PRORP: variants seen among roughly 807,000 people sequenced by gnomAD.
The protein encoded by PRORP is mitochondrial ribonuclease P catalytic subunit.
PRORP carries 51 observed loss-of-function variants against 59.4 expected under a neutral mutation model. The ratio of observed to expected loss-of-function variants is 0.86; its 90% confidence interval spans 0.69 to 1.08. PRORP has a LOEUF of 1.08. Ranked by LOEUF, PRORP falls within the 50% of genes least tolerant of loss-of-function variation. PRORP has a pLI of 0.00. For missense variants in PRORP, 646 were observed against 690.3 expected, an observed-to-expected ratio of 0.94 and a Z score of 0.72; for synonymous variants, 231 against 245.6, an observed-to-expected ratio of 0.94 and a Z score of 0.55.
At chr14:35,195,577 ACT>A (rs1167994600) in intron 5 of PRORP, among the ~76,000 whole-genome samples, 1 of 152,048 alleles carries the variant, frequency 6.6e-6, no homozygotes, top group Non-Finnish European at 1.5e-5. Flanking sequence ...CTTTTTAAAA[ACT>A]CACACATATT....
At chr14:35,163,076 T>TG (rs1442228020) in intron 4 of PRORP, among the ~76,000 whole-genome samples, 3 of 152,134 alleles carry the variant, frequency 2.0e-5, no homozygotes, top group African/African-American at 7.2e-5. Flanking sequence ...TTTTATAACT[T>TG]GGGTTCTGGC....
At chr14:35,186,804 G>A (rs2048754995) in intron 5 of PRORP, among the ~76,000 whole-genome samples, 1 of 151,788 alleles carries the variant, frequency 6.6e-6, no homozygotes, top group Non-Finnish European at 1.5e-5. Context: ...GGGTCTCACT[G>A]TGTTGCTCAG....
intron 5 of PRORP, 52 bp from the exon 6 acceptor site, chr14:35,266,675 A>G (rs181260197): frequency 1.8e-4 from 286 of 1,596,746 alleles, no homozygotes; most frequent in Non-Finnish European, 3.8e-5. Context: ...TCACTCCACT[A>G]ATTTGAGAGT....
intron 4 of PRORP, among the ~76,000 whole-genome samples, chr14:35,173,385 G>A (rs986367577): frequency 1.3e-5 from 2 of 152,122 alleles, no homozygotes; most frequent in Non-Finnish European, 2.9e-5. Context: ...TGTCTCCCTT[G>A]CAGTGGGTAG....
rs1419401497 is a variant in PRORP at position 35,275,882 on chromosome 14, A to G, written c.*2316A>G. The G allele has an allele frequency of 6.6e-6, 1 of 151,878 alleles. No individual in the cohort carries two copies. The highest frequency in any genetic ancestry group is 1.5e-5 in the Non-Finnish European group (1 of 68,044). The allele number at this position is 151,878 out of a possible 1,614,324, so 9.4% of individuals were successfully genotyped here. A position where few individuals can be genotyped will look rare whatever the true frequency, so the allele number is the denominator to read the frequency against. ...AGTAACCTTAGAGCATGTAAAGTCC[A>G]TTTTGGAGATGAGGAACAGACCCAG... is the stretch of plus-strand genomic sequence containing the variant. On this transcript the variant is annotated 3_prime_UTR_variant, in exon 8 of 8. Transcript: ENST00000534898.
At chr14:35,253,198 C>T (rs1165802706) in intron 5 of PRORP, among the ~76,000 whole-genome samples, 1 of 151,804 alleles carries the variant, frequency 6.6e-6, no homozygotes, top group Non-Finnish European at 1.5e-5. Flanking sequence ...GCCAGGTATG[C>T]TGGTGTGCAC....
At chr14:35,200,253 C>T (rs551952115) in intron 5 of PRORP, among the ~76,000 whole-genome samples, 2 of 152,124 alleles carry the variant, frequency 1.3e-5, no homozygotes, top group African/African-American at 2.4e-5. Flanking sequence ...AGTGCTGTGG[C>T]ACGATCTTGG....
intron 5 of PRORP, among the ~76,000 whole-genome samples, chr14:35,232,819 C>G (rs558687440): frequency 6.6e-6 from 1 of 152,098 alleles, no homozygotes; most frequent in Admixed American, 6.6e-5. Context: ...ACTACAGATG[C>G]ATGCCACCAC....
chr14:35,186,112 A>G (rs2048734551), intron 5 of PRORP, among the ~76,000 whole-genome samples: 1 of 151,588 alleles, frequency 6.6e-6, no homozygotes, highest in Non-Finnish European at 1.5e-5. Flanking sequence ...CCTTCTGAGT[A>G]GCTGGGACTA....
rs1002170505 is a variant in PRORP at position 35,153,550 on chromosome 14, C to G, written c.1167+25939C>G. On this transcript the variant is annotated intron_variant, in intron 4 of 7. Transcript: ENST00000534898. ...GATTTGAATGCACATCTGTCTGATT[C>G]CCAAATATGAGTTCTATTCATTAAG... Among the ~76,000 whole-genome samples, 46 of 152,156 alleles carry G rather than the reference C, an allele frequency of 3.0e-4. 1 individual carries two copies. Among genetic ancestry groups the G allele is most frequent in the Admixed American group, 1.3e-4 (2 of 15,288 alleles).
intron 4 of PRORP, among the ~76,000 whole-genome samples, chr14:35,164,362 C>A (rs760806304): frequency 4.5e-4 from 69 of 152,134 alleles, no homozygotes; most frequent in Non-Finnish European, 9.7e-4. Flanking sequence ...GCGCTACTCA[C>A]AATAGCAAAG....
intron 4 of PRORP, among the ~76,000 whole-genome samples, chr14:35,178,560 G>A (rs967669421): frequency 2.0e-5 from 3 of 152,242 alleles, no homozygotes; most frequent in African/African-American, 7.2e-5. Context: ...GACTAGGATT[G>A]CAACCTCTGC....
At chr14:35,193,391 T>C (rs1204078644) in intron 5 of PRORP, among the ~76,000 whole-genome samples, 2 of 152,262 alleles carry the variant, frequency 1.3e-5, no homozygotes, top group Non-Finnish European at 2.9e-5. Context: ...GAATTTGTTT[T>C]GATTGCCATC....
At chr14:35,137,801 A>G (rs1168897326) in intron 4 of PRORP, among the ~76,000 whole-genome samples, 2 of 145,364 alleles carry the variant, frequency 1.4e-5, no homozygotes, top group Non-Finnish European at 1.5e-5. Flanking sequence ...CTGACAAAGT[A>G]GTTAACATGG....
intron 4 of PRORP, among the ~76,000 whole-genome samples, chr14:35,130,125 G>C (rs1253938249): frequency 6.7e-6 from 1 of 150,212 alleles, no homozygotes; most frequent in African/African-American, 2.4e-5. Flanking sequence ...CTGCCCCCCA[G>C]GTTCAAGTGA....
intron 5 of PRORP, among the ~76,000 whole-genome samples, chr14:35,228,534 A>G (rs1249904962): frequency 6.6e-6 from 1 of 152,188 alleles, no homozygotes; most frequent in Non-Finnish European, 1.5e-5. Flanking sequence ...TTTATCTCAT[A>G]CTTGTAAGTG....
At chr14:35,174,034 GC>G (rs2048383632) in intron 4 of PRORP, among the ~76,000 whole-genome samples, 1 of 152,132 alleles carries the variant, frequency 6.6e-6, no homozygotes, top group African/African-American at 2.4e-5. Flanking sequence ...GAGAGTGACA[GC>G]CAGATGAAAG....
intron 5 of PRORP, among the ~76,000 whole-genome samples, chr14:35,242,356 G>A (rs1471863597): frequency 1.3e-5 from 2 of 152,042 alleles, no homozygotes; most frequent in Non-Finnish European, 2.9e-5. Context: ...AGATCTCTAG[G>A]GATCCTCATT....
rs567897323 is a variant in PRORP, at chr14:35,257,753, A to G, written c.1276-8974A>G. 2.6e-5 allele frequency among the ~76,000 whole-genome samples: 4 copies of G among 152,322 alleles called. No homozygotes were observed. In the South Asian group the frequency reaches 8.3e-4, roughly 32 times the overall value. ...TAATTTCTGAAGACATCAGATCCCA[A>G]AGGCTTTAGAGTTTCTGAACAGCTA... is the stretch of plus-strand genomic sequence containing the variant. On this transcript the variant is annotated intron_variant, in intron 5 of 7. Coordinates refer to ENST00000534898, the MANE Select transcript of PRORP (RefSeq NM_014672.4).
Sources: allele counts gnomAD v4.1 joint callset (sites outside exome capture counted in the v4.1 genomes callset), GRCh38; gene constraint gnomAD v4.1.1; transcripts MANE v1.5; gene names NCBI Gene and HGNC (gene_info 2026-07-23, HGNC 2026-07-21).